Variants in HELB observed in about 807,000 individuals in gnomAD.
The protein encoded by HELB is DNA 5'-3' helicase B.
In HELB, 96 loss-of-function variants were observed where a neutral mutation model predicts 101.7. The observed-to-expected ratio is 0.94, with a 90% CI of 0.80 to 1.12. The LOEUF is 1.12. HELB is among the 50% of genes most tolerant of loss of function. HELB has a pLI of 0.00. For synonymous variants in HELB, 437 were observed against 459.7 expected (o/e 0.95, Z 0.63); for missense variants, 1,210 against 1,291.9 (o/e 0.94, Z 0.97).
intron 11 of HELB, among the ~76,000 whole-genome samples, chr12:66,325,495 T>C (rs1236328308): frequency 6.6e-6 from 1 of 152,182 alleles, no homozygotes; most frequent in Non-Finnish European, 1.5e-5. Flanking sequence ...TACATTAAAA[T>C]GTCTTGATTT....
At chr12:66,304,382 C>T (rs2136984467) in intron 1 of HELB, among the ~76,000 whole-genome samples, 1 of 152,256 alleles carries the variant, frequency 6.6e-6, no homozygotes, top group East Asian at 1.9e-4. Flanking sequence ...AGTGAAGGGC[C>T]ATGGCATTTT....
downstream of HELB, chr12:66,340,373 T>C (rs1281334074): frequency 2.0e-5 from 3 of 152,212 alleles, no homozygotes; most frequent in Non-Finnish European, 2.9e-5. Flanking sequence ...TGGCTAGTGA[T>C]GTTAAATAGC....
chr12:66,329,265 G>A (rs902099871), intron 11 of HELB, among the ~76,000 whole-genome samples: 1 of 152,190 alleles, frequency 6.6e-6, no homozygotes. Context: ...GGCTCCTGTA[G>A]CATGACATTT....
chr12:66,337,559 T>C (rs2053879678), intron 12 of HELB, among the ~76,000 whole-genome samples: 1 of 150,836 alleles, frequency 6.6e-6, no homozygotes, highest in Non-Finnish European at 1.5e-5. Context: ...ATCTTACACA[T>C]CCAGAACTGA....
At chr12:66,320,530 CCACTT>C (rs2053658573) in intron 7 of HELB, among the ~76,000 whole-genome samples, 1 of 152,150 alleles carries the variant, frequency 6.6e-6, no homozygotes, top group Admixed American at 6.5e-5. Context: ...TCTTTCTTTG[CCACTT>C]CACTTAATTC....
intron 4 of HELB, among the ~76,000 whole-genome samples, chr12:66,312,173 AG>A (rs199995031): frequency 0.01 from 1,596 of 152,328 alleles, 96 homozygotes; most frequent in Admixed American, 0.09. Flanking sequence ...CGCCAGTTGA[AG>A]TGTGGGGATG....
intron 11 of HELB, 110 bp from the exon 12 acceptor site, chr12:66,331,044 C>T (rs1280421219): frequency 8.3e-7 from 1 of 1,209,688 alleles, no homozygotes; most frequent in African/African-American, 1.5e-5. Context: ...ATAGTCTGGC[C>T]AGGTAGAAGT....
Position 66,310,601 on chromosome 12 carries a change from T to C in HELB, c.1673T>C (p.Leu558Pro). 2 of 1,607,396 alleles carry C rather than the reference T, an allele frequency of 1.2e-6. No individual in the cohort carries two copies. Among genetic ancestry groups the C allele is most frequent in the African/African-American group, 2.7e-5 (2 of 74,384 alleles). Residue 558 changes from leucine to proline, a missense_variant, in exon 4 of 13, where the codon CTG becomes CCG. Leu to Pro is a moderately conservative substitution (Grantham distance 98, BLOSUM62 -3). Transcript: ENST00000247815. ...RQKTGLHAYTLCQVNYSFYSW... is the reference protein window; with the variant it reads ...RQKTGLHAYTPCQVNYSFYSW... ...AAAACTGGTCTTCATGCCTACACAC[T>C]GTGTCAGGTAAAACCTTTGACATTT...
At position 66,310,017 on chromosome 12, in the gene HELB, C is replaced by T. The variant is rs147571047; in HGVS notation, c.1089C>T (p.Ile363=). The T allele has an allele frequency of 7.0e-5, 113 of 1,614,034 alleles. No individual in the cohort carries two copies. The highest frequency in any genetic ancestry group is 1.7e-4 in the African/African-American group (13 of 74,920). ...ACCTTTACCATGCTGAAAGAGCCAT[C>T]GCCTTTTCAATTTGTGACCTGATGA... ...PYDLYHAERA[I]AFSICDLMKK... is the part of the protein sequence containing the mutation. The change falls in exon 4 of 13, where the codon ATC becomes ATT. Residue 363 remains isoleucine (I), a synonymous_variant. Transcript: ENST00000247815.
chr12:66,324,783 C>T, intron 10 of HELB, 200 bp from the exon 11 acceptor site: 1 of 546,884 alleles, frequency 1.8e-6, no homozygotes, highest in East Asian at 3.2e-5. Flanking sequence ...AGACTGAAAA[C>T]TTCTATTTGT....
At chr12:66,329,606 C>T (rs746918038) in intron 11 of HELB, among the ~76,000 whole-genome samples, 15 of 151,980 alleles carry the variant, frequency 9.9e-5, no homozygotes, top group Non-Finnish European at 1.5e-4. Context: ...GGAGTCCCTG[C>T]GAGCCATTAG....
At chr12:66,322,882 C>A in intron 9 of HELB, 99 bp downstream of exon 9, 2 of 666,610 alleles carry the variant, frequency 3.0e-6, no homozygotes, top group South Asian at 2.2e-5. Context: ...TACATATATT[C>A]CCAAAATAGT....
chr12:66,306,550 G>A (rs2053478867), intron 3 of HELB, 36 bp downstream of exon 3: 1 of 1,426,970 alleles, frequency 7.0e-7, no homozygotes, highest in African/African-American at 1.5e-5. Context: ...TAGTAATCTT[G>A]TGTAAGGCAT....
At chr12:66,305,265 T>C (rs1192736343) in intron 2 of HELB, 115 bp downstream of exon 2, 5 of 703,326 alleles carry the variant, frequency 7.1e-6, no homozygotes, top group Non-Finnish European at 1.2e-5. Flanking sequence ...TGGTGAAAAA[T>C]GTGTTTATGT....
rs777060668 is a variant in HELB, at chr12:66,331,149, G to T, written c.2671-5G>T. ...TTAGTCTTCACACCATATTTTTCCTGCCAGGGGTCCGAGGAGCAAACAGTT... is the reference window on the plus strand; with the variant it reads ...TTAGTCTTCACACCATATTTTTCCTTCCAGGGGTCCGAGGAGCAAACAGTT... On this transcript the variant is annotated splice_region_variant and splice_polypyrimidine_tract_variant and intron_variant, in intron 11 of 12. Transcript: ENST00000247815. 1.3e-6 allele frequency: 2 copies of T among 1,590,176 alleles called. No homozygotes were observed. The highest frequency in any genetic ancestry group is 1.7e-6 in the Non-Finnish European group (2 of 1,167,476).
intron 4 of HELB, 102 bp downstream of exon 4, chr12:66,310,710 A>T: frequency 9.6e-7 from 1 of 1,039,210 alleles, no homozygotes; most frequent in East Asian, 2.4e-5. Context: ...AGGCGGGCAG[A>T]TCACAAGGTC....
chr12:66,336,576 G>A (rs2053868396), intron 12 of HELB, among the ~76,000 whole-genome samples: 2 of 152,298 alleles, frequency 1.3e-5, no homozygotes, highest in African/African-American at 4.8e-5. Flanking sequence ...TAACCTGCCA[G>A]AACCAGGCTG....
At chr12:66,308,487 T>G (rs1289822437) in intron 3 of HELB, among the ~76,000 whole-genome samples, 4 of 152,210 alleles carry the variant, frequency 2.6e-5, no homozygotes, top group African/African-American at 9.7e-5. Context: ...GCTATCCAAG[T>G]ATTGTATTAG....
At chr12:66,315,513 T>C in intron 6 of HELB, 130 bp downstream of exon 6, 1 of 551,096 alleles carries the variant, frequency 1.8e-6, no homozygotes, top group South Asian at 6.8e-5. Context: ...ATCCTTCAAC[T>C]ATAAACCTTT....
Sources: allele counts gnomAD v4.1 joint callset (sites outside exome capture counted in the v4.1 genomes callset), GRCh38; gene constraint gnomAD v4.1.1; transcripts MANE v1.5; gene names NCBI Gene and HGNC (gene_info 2026-07-23, HGNC 2026-07-21).